PAG1: variants seen among roughly 807,000 people sequenced by gnomAD.
PAG1 encodes phosphoprotein associated with glycosphingolipid-enriched microdomains 1.
Under a neutral mutation model 31.7 loss-of-function variants are expected in PAG1, and 23 were observed. The ratio of observed to expected loss-of-function variants is 0.73; its 90% CI spans 0.52 to 1.03. PAG1 has a LOEUF of 1.03. Among genes scored for constraint, PAG1 ranks in the 50% least tolerant of loss-of-function variants. The probability of loss-of-function intolerance (pLI) is 0.00; values close to 1 mark genes in which losing one functional copy is unlikely to be tolerated. For missense variants in PAG1, 473 were observed against 540.7 expected (o/e 0.87, Z 1.24); for synonymous variants, 214 against 210.3 (o/e 1.02, Z -0.15).
intron 3 of PAG1, among the ~76,000 whole-genome samples, chr8:80,997,968 G>A (rs1180537844): frequency 6.6e-6 from 1 of 152,120 alleles, no homozygotes; most frequent in Non-Finnish European, 1.5e-5. Context: ...TATGGTTAAA[G>A]GACTTTCATT....
chr8:81,093,385 T>C (rs1355805632), intron 1 of PAG1, among the ~76,000 whole-genome samples: 1 of 152,204 alleles, frequency 6.6e-6, no homozygotes, highest in Non-Finnish European at 1.5e-5. Context: ...TTCTAGAACA[T>C]AGATGTTTCC....
At chr8:81,067,246 CTT>C (rs1809023453) in intron 2 of PAG1, among the ~76,000 whole-genome samples, 1 of 152,158 alleles carries the variant, frequency 6.6e-6, no homozygotes, top group Non-Finnish European at 1.5e-5. Flanking sequence ...CAATGGTTCT[CTT>C]TGGGTAATGG....
intron 2 of PAG1, among the ~76,000 whole-genome samples, chr8:81,069,567 G>A (rs1809061147): frequency 2.0e-5 from 3 of 152,108 alleles, no homozygotes; most frequent in Admixed American, 6.6e-5. Flanking sequence ...TGGTCTGTTC[G>A]CAGAAGATGA....
intron 1 of PAG1, among the ~76,000 whole-genome samples, chr8:81,105,151 TC>T (rs1351709468): frequency 1.3e-5 from 2 of 152,114 alleles, no homozygotes; most frequent in Admixed American, 1.3e-4. Flanking sequence ...GGAAAAGTCA[TC>T]CCCTTGGAGT....
At chr8:81,081,503 T>C (rs139859736) in intron 1 of PAG1, among the ~76,000 whole-genome samples, 155 of 152,278 alleles carry the variant, frequency 1.0e-3, no homozygotes, top group African/African-American at 3.6e-3. Flanking sequence ...AACACACTGA[T>C]AGAAGGAAGA....
chr8:80,998,122 G>A (rs1372061568), intron 3 of PAG1, among the ~76,000 whole-genome samples: 1 of 136,798 alleles, frequency 7.3e-6, no homozygotes, highest in Non-Finnish European at 1.5e-5. Flanking sequence ...TTTAACAGCA[G>A]GTGTCCTTTT....
At chr8:81,011,596 T>C (rs1171422276) in intron 3 of PAG1, among the ~76,000 whole-genome samples, 1 of 152,182 alleles carries the variant, frequency 6.6e-6, no homozygotes, top group Non-Finnish European at 1.5e-5. Context: ...TTAGTAAATA[T>C]TGATGGAGTG....
Position 80,973,158 on chromosome 8 carries a change from G to C in PAG1, c.*3386C>G, listed in dbSNP as rs1269396880. ...AGCCTTTATCCCAGAAAGAATAGTG[G>C]TAGCTTCAAAAGCTTCAACAGACCT... On this transcript the variant is annotated 3_prime_UTR_variant, in exon 9 of 9. Transcript: ENST00000220597. The C allele has an allele frequency of 1.3e-5, 2 of 151,958 alleles. No homozygotes were observed. The highest frequency in any genetic ancestry group is 4.8e-5 in the African/African-American group (2 of 41,340). 9.4% of individuals were successfully genotyped at this position (151,958 alleles called of 1,614,324 possible).
intron 3 of PAG1, among the ~76,000 whole-genome samples, chr8:80,995,212 G>T (rs1358753742): frequency 3.3e-5 from 5 of 152,224 alleles, no homozygotes; most frequent in African/African-American, 1.2e-4. Flanking sequence ...TCTGAGAGAT[G>T]AAGTTGTTTT....
At chr8:81,074,689 T>C (rs1809149434) in intron 1 of PAG1, among the ~76,000 whole-genome samples, 1 of 152,164 alleles carries the variant, frequency 6.6e-6, no homozygotes. Context: ...TGCATTCTAA[T>C]AAGACCCCCA....
chr8:81,103,791 T>C (rs1266737927), intron 1 of PAG1, among the ~76,000 whole-genome samples: 1 of 152,172 alleles, frequency 6.6e-6, no homozygotes. Flanking sequence ...AAATAATGGA[T>C]CATTTATCAC....
chr8:80,992,184 C>A (rs7015643), intron 4 of PAG1, among the ~76,000 whole-genome samples: 1 of 152,018 alleles, frequency 6.6e-6, no homozygotes, highest in Admixed American at 6.5e-5. Flanking sequence ...CCCGGCCCTG[C>A]GGCCTCTTTG....
intron 6 of PAG1, 147 bp from the exon 7 acceptor site, chr8:80,985,524 G>A (rs1807400948): frequency 1.4e-6 from 1 of 732,380 alleles, no homozygotes; most frequent in East Asian, 2.7e-5. Context: ...ATGACCATCA[G>A]TTGGTATCCT....
At chr8:81,090,481 T>C (rs142429721) in intron 1 of PAG1, among the ~76,000 whole-genome samples, 7 of 152,284 alleles carry the variant, frequency 4.6e-5, no homozygotes, top group Non-Finnish European at 8.8e-5. Flanking sequence ...AGGAAATAAA[T>C]ATTAAGATGT....
At chr8:81,090,500 C>T (rs1032970653) in intron 1 of PAG1, among the ~76,000 whole-genome samples, 3 of 152,200 alleles carry the variant, frequency 2.0e-5, no homozygotes, top group African/African-American at 7.2e-5. Flanking sequence ...GTGACATCGG[C>T]CTTCAAGAAG....
intron 2 of PAG1, among the ~76,000 whole-genome samples, chr8:81,057,315 C>T (rs1808840685): frequency 6.6e-6 from 1 of 152,092 alleles, no homozygotes; most frequent in Non-Finnish European, 1.5e-5. Context: ...GACTTGGAAC[C>T]AACCCAAATA....
rs773889685 is a variant in PAG1, at chr8:80,985,126, C to T, written c.526G>A (p.Val176Met). Residue 176 changes from valine to methionine, a missense_variant, in exon 7 of 9, where the codon GTG becomes ATG. Val to Met is a conservative substitution (Grantham distance 21, BLOSUM62 1). Transcript: ENST00000220597. Reference sequence around the variant, plus strand: ...ACAGTTTCATACAAGCAGTCCTCCACCATGTTTTCTTGGGAGGAGCTGTCC... The same window carrying T: ...ACAGTTTCATACAAGCAGTCCTCCATCATGTTTTCTTGGGAGGAGCTGTCC... ...LKDSSSQENM[V>M]EDCLYETVKE... 1 of 1,614,042 alleles carries T rather than the reference C, an allele frequency of 6.2e-7. No individual in the cohort carries two copies. The highest frequency in any genetic ancestry group is 1.3e-5 in the African/African-American group (1 of 74,902).
intron 5 of PAG1, among the ~76,000 whole-genome samples, chr8:80,987,705 T>C (rs1483777433): frequency 6.6e-6 from 1 of 152,226 alleles, no homozygotes; most frequent in Non-Finnish European, 1.5e-5. Context: ...TATCCATATA[T>C]GTTATACCTA....
At chr8:81,060,017 T>TA (rs879529087) in intron 2 of PAG1, among the ~76,000 whole-genome samples, 84 of 139,748 alleles carry the variant, frequency 6.0e-4, no homozygotes, top group African/African-American at 1.4e-3. Flanking sequence ...AGACTCCATC[T>TA]AAAAAAAAAA....
Sources: allele counts gnomAD v4.1 joint callset (sites outside exome capture counted in the v4.1 genomes callset), GRCh38; gene constraint gnomAD v4.1.1; transcripts MANE v1.5; gene names NCBI Gene and HGNC (gene_info 2026-07-23, HGNC 2026-07-21).